Variants in EPB41 observed in about 807,000 individuals in gnomAD.
EPB41 encodes erythrocyte membrane protein band 4.1.
A neutral mutation model predicts 108.0 loss-of-function variants in EPB41; 65 were observed. The ratio of observed to expected loss-of-function variants is 0.60; its 90% confidence interval spans 0.49 to 0.74. The LOEUF (loss-of-function observed/expected upper bound fraction) is 0.74. Ranked by LOEUF, EPB41 falls within the 30% of genes least tolerant of loss-of-function variation. The pLI is 0.00. For synonymous variants in EPB41, 336 were observed against 358.9 expected, an observed-to-expected ratio of 0.94 and a Z score of 0.72; for missense variants, 875 against 1,037.0, an observed-to-expected ratio of 0.84 and a Z score of 2.15.
At chr1:29,073,815 C>T (rs1652640526) in intron 16 of EPB41, among the ~76,000 whole-genome samples, 1 of 152,140 alleles carries the variant, frequency 6.6e-6, no homozygotes, top group African/African-American at 2.4e-5. Flanking sequence ...GATGCTGACT[C>T]TGTTGATTAA....
chr1:28,963,344 CGTGTG>C (rs1458489235), intron 1 of EPB41, among the ~76,000 whole-genome samples: 1 of 146,210 alleles, frequency 6.8e-6, no homozygotes, highest in Non-Finnish European at 1.5e-5. Flanking sequence ...AAATCAGAAT[CGTGTG>C]TGTGTGTGTG....
At chr1:28,960,866 C>T (rs557231753) in intron 1 of EPB41, among the ~76,000 whole-genome samples, 1 of 152,016 alleles carries the variant, frequency 6.6e-6, no homozygotes, top group African/African-American at 2.4e-5. Flanking sequence ...AACTCCATCT[C>T]TACTAAAAAT....
intron 1 of EPB41, among the ~76,000 whole-genome samples, chr1:28,909,019 C>T (rs1042735901): frequency 7.3e-5 from 11 of 151,284 alleles, no homozygotes; most frequent in South Asian, 6.3e-4. Context: ...ATTAGCTGGG[C>T]GTGGTGGCGG....
chr1:29,087,613 G>T (rs1333413985), intron 16 of EPB41, among the ~76,000 whole-genome samples: 1 of 152,032 alleles, frequency 6.6e-6, no homozygotes, highest in African/African-American at 2.4e-5. Context: ...CACCCGCCTT[G>T]GCCTCCCAAA....
At chr1:29,096,284 G>C (rs143718175) in intron 16 of EPB41, 1 of 985,878 alleles carries the variant, frequency 1.0e-6, no homozygotes, top group Non-Finnish European at 1.2e-6. Flanking sequence ...CACCTCGTCG[G>C]AGTCTCTGCA....
At chr1:28,945,174 G>A (rs1045982562) in intron 1 of EPB41, among the ~76,000 whole-genome samples, 2 of 150,998 alleles carry the variant, frequency 1.3e-5, no homozygotes, top group African/African-American at 4.9e-5. Flanking sequence ...ATCTAAAATT[G>A]TTCTTACTAA....
chr1:29,047,502 C>G (rs1643639750), intron 11 of EPB41, among the ~76,000 whole-genome samples: 1 of 151,520 alleles, frequency 6.6e-6, no homozygotes, highest in South Asian at 2.1e-4. Flanking sequence ...AGTCCTCCCA[C>G]CTTGGCTTCT....
intron 18 of EPB41, 125 bp downstream of exon 18, chr1:29,109,562 T>C (rs1668461495): frequency 2.5e-6 from 2 of 789,404 alleles, no homozygotes; most frequent in African/African-American, 1.7e-5. Flanking sequence ...TAAGCCACAT[T>C]ATTCAAAGAG....
chr1:28,989,467 G>C, intron 2 of EPB41: 1 of 868,568 alleles, frequency 1.2e-6, no homozygotes, highest in Non-Finnish European at 1.4e-6. Flanking sequence ...ACAGTGTTGG[G>C]GGGAAAAAAG....
intron 1 of EPB41, among the ~76,000 whole-genome samples, chr1:28,966,290 C>T (rs1270036841): frequency 3.9e-5 from 6 of 151,956 alleles, no homozygotes; most frequent in Non-Finnish European, 8.8e-5. Flanking sequence ...ATTTTGTATT[C>T]CTTCTTGGGT....
upstream of EPB41, among the ~76,000 whole-genome samples, chr1:28,911,480 A>G (rs2092254378): frequency 6.6e-6 from 1 of 152,220 alleles, no homozygotes; most frequent in Non-Finnish European, 1.5e-5. Context: ...AATGCTACAT[A>G]TTCTTTGCAT....
chr1:28,905,030 CAA>C (rs1221262969), intron 1 of EPB41, among the ~76,000 whole-genome samples: 24 of 72,314 alleles, frequency 3.3e-4, no homozygotes, highest in Admixed American at 7.6e-4. Flanking sequence ...GACTCTGTCT[CAA>C]AAAAAAAAAA....
intron 1 of EPB41, among the ~76,000 whole-genome samples, chr1:28,967,085 C>T (rs1035539879): frequency 8.1e-6 from 1 of 122,778 alleles, no homozygotes; most frequent in Non-Finnish European, 1.6e-5. Context: ...GTGGCATGAT[C>T]TCTACTCACT....
chr1:29,015,464 G>A (rs767175256), intron 5 of EPB41, among the ~76,000 whole-genome samples: 12 of 152,016 alleles, frequency 7.9e-5, no homozygotes, highest in Admixed American at 5.9e-4. Context: ...GGCTGAGACA[G>A]AAGAATCGCT....
chr1:29,043,664 G>A (rs897455351), intron 11 of EPB41, among the ~76,000 whole-genome samples: 4 of 152,224 alleles, frequency 2.6e-5, no homozygotes, highest in African/African-American at 9.6e-5. Flanking sequence ...ATTGTATAGG[G>A]CCTTGTGGGT....
At chr1:28,925,083 A>G (rs1484003264) in intron 1 of EPB41, among the ~76,000 whole-genome samples, 1 of 150,456 alleles carries the variant, frequency 6.6e-6, no homozygotes, top group East Asian at 1.9e-4. Flanking sequence ...CCCCCGCCTC[A>G]GCCTCCTGAG....
At chr1:29,069,294 G>GTT in intron 16 of EPB41, 11 of 1,231,576 alleles carry the variant, frequency 8.9e-6, no homozygotes, top group Non-Finnish European at 1.1e-5. Flanking sequence ...TCCTTTCATA[G>GTT]ATAACATCTG....
chr1:28,958,834 A>G (rs919963900), intron 1 of EPB41, among the ~76,000 whole-genome samples: 1 of 151,876 alleles, frequency 6.6e-6, no homozygotes, highest in African/African-American at 2.4e-5. Context: ...AAAAAAAAAA[A>G]AAAAAAGAAA....
intron 9 of EPB41, among the ~76,000 whole-genome samples, chr1:29,035,232 C>G (rs1215773291): frequency 1.3e-5 from 2 of 151,988 alleles, no homozygotes; most frequent in Non-Finnish European, 2.9e-5. Flanking sequence ...ATCTGCCCAC[C>G]TCGGCCTCCC....
Sources: allele counts gnomAD v4.1 joint callset (sites outside exome capture counted in the v4.1 genomes callset), GRCh38; gene constraint gnomAD v4.1.1; transcripts MANE v1.5; gene names NCBI Gene and HGNC (gene_info 2026-07-23, HGNC 2026-07-21).